CTNNA3: variants seen among roughly 807,000 people sequenced by gnomAD.
CTNNA3 encodes catenin alpha 3, also known as catenin alpha-3.
In CTNNA3, 76 loss-of-function variants were observed where a neutral mutation model predicts 95.7. The ratio of observed to expected loss-of-function variants is 0.79; its 90% CI spans 0.66 to 0.96. The LOEUF (loss-of-function observed/expected upper bound fraction) is 0.96, where lower values mean the gene tolerates loss of function less well. CTNNA3 is among the 40% of genes least tolerant of loss of function. The pLI is 0.00. For missense variants in CTNNA3, 1,191 were observed against 1,089.8 expected, an observed-to-expected ratio of 1.09 and a Z score of -1.31; for synonymous variants, 431 against 374.4, an observed-to-expected ratio of 1.15 and a Z score of -1.74.
intron 5 of CTNNA3, among the ~76,000 whole-genome samples, chr10:67,385,053 C>G (rs1189980465): frequency 6.6e-6 from 1 of 151,000 alleles, no homozygotes; most frequent in East Asian, 1.9e-4. Flanking sequence ...TTTGTTGCTT[C>G]TTTCAATGTG....
At chr10:66,331,338 G>GCTTGCTTGCTTTTTTT (rs1417713676) in intron 12 of CTNNA3, among the ~76,000 whole-genome samples, 3 of 39,116 alleles carry the variant, frequency 7.7e-5, no homozygotes, top group African/African-American at 2.1e-4. Flanking sequence ...TTTCCCCATT[G>GCTTGCTTGCTTTTTTT]TTTGTTTTTT....
At chr10:67,472,609 T>G (rs982499109) in intron 5 of CTNNA3, among the ~76,000 whole-genome samples, 3 of 152,212 alleles carry the variant, frequency 2.0e-5, no homozygotes, top group Admixed American at 6.5e-5. Context: ...TCCCTGCTCC[T>G]TTCCCAGAAA....
intron 9 of CTNNA3, among the ~76,000 whole-genome samples, chr10:66,632,155 T>G (rs1215829340): frequency 6.6e-6 from 1 of 152,144 alleles, no homozygotes; most frequent in African/African-American, 2.4e-5. Flanking sequence ...TAATGTTATC[T>G]CTCATAAAAT....
intron 7 of CTNNA3, among the ~76,000 whole-genome samples, chr10:66,968,509 A>G (rs979315085): frequency 6.6e-6 from 1 of 151,876 alleles, no homozygotes; most frequent in Non-Finnish European, 1.5e-5. Flanking sequence ...GGATATGAAG[A>G]AAGTTCATAT....
intron 11 of CTNNA3, among the ~76,000 whole-genome samples, chr10:66,511,793 T>G (rs1219496537): frequency 6.6e-6 from 1 of 152,012 alleles, no homozygotes; most frequent in African/African-American, 2.4e-5. Context: ...GGGTCTACCC[T>G]AGAGAATGTT....
chr10:66,056,473 GTATTGGCCTGTCATTTTCC>G (rs1278089207), intron 15 of CTNNA3, among the ~76,000 whole-genome samples: 1 of 151,982 alleles, frequency 6.6e-6, no homozygotes, highest in Non-Finnish European at 1.5e-5. Flanking sequence ...TTCATCAGAG[GTATTGGCCTGTCATTTTCC>G]TCTTCTGCTG....
At position 67,612,380 on chromosome 10, in the gene CTNNA3, A is replaced by C. The variant is rs143488526; in HGVS notation, c.100-5331T>G. 2.2e-4 allele frequency among the ~76,000 whole-genome samples: 34 copies of C among 152,364 alleles called. No homozygotes were observed. In the East Asian group the frequency reaches 6.4e-3, roughly 28 times the overall value. On this transcript the variant is annotated intron_variant, in intron 2 of 17. Transcript: ENST00000433211. ...AAAATTGCAAACATTCACAAGGATT[A>C]AGTAGGACTTCCAAGAAGAGCCTTT...
chr10:66,630,353 T>G (rs1845089277), intron 9 of CTNNA3, among the ~76,000 whole-genome samples: 1 of 152,168 alleles, frequency 6.6e-6, no homozygotes, highest in Admixed American at 6.5e-5. Flanking sequence ...ACAACTGGAC[T>G]TTCAAGAAAA....
At chr10:67,144,275 G>T (rs1860737993) in intron 7 of CTNNA3, among the ~76,000 whole-genome samples, 2 of 152,190 alleles carry the variant, frequency 1.3e-5, no homozygotes, top group Admixed American at 6.5e-5. Flanking sequence ...GACAGTGTGG[G>T]TTTAGCATAA....
intron 1 of CTNNA3, among the ~76,000 whole-genome samples, chr10:67,704,361 A>C (rs1257824464): frequency 6.6e-6 from 1 of 152,216 alleles, no homozygotes; most frequent in Non-Finnish European, 1.5e-5. Flanking sequence ...GCATCATGCT[A>C]CCTGACTTCA....
At chr10:66,454,933 C>A (rs1435894170) in intron 11 of CTNNA3, among the ~76,000 whole-genome samples, 1 of 151,970 alleles carries the variant, frequency 6.6e-6, no homozygotes, top group African/African-American at 2.4e-5. Flanking sequence ...GTACCACAAC[C>A]AAATGGGATT....
At chr10:66,395,906 T>C (rs534736383) in intron 11 of CTNNA3, among the ~76,000 whole-genome samples, 2 of 152,050 alleles carry the variant, frequency 1.3e-5, no homozygotes, top group East Asian at 3.9e-4. Flanking sequence ...TGGTACCCAA[T>C]AGGTAATTTT....
At chr10:66,773,461 G>A (rs753698559) in intron 8 of CTNNA3, among the ~76,000 whole-genome samples, 1 of 152,156 alleles carries the variant, frequency 6.6e-6, no homozygotes, top group Non-Finnish European at 1.5e-5. Flanking sequence ...GCCACATGGA[G>A]AGGCCCTAAA....
intron 5 of CTNNA3, among the ~76,000 whole-genome samples, chr10:67,504,435 C>CAAAAA (rs60719599): frequency 4.6e-3 from 74 of 16,118 alleles, no homozygotes; most frequent in African/African-American, 5.2e-3. Flanking sequence ...GACTCCATCT[C>CAAAAA]AAAAAAAAAA....
chr10:66,724,123 G>A (rs1040830093), intron 9 of CTNNA3, among the ~76,000 whole-genome samples: 1 of 152,084 alleles, frequency 6.6e-6, no homozygotes, highest in Non-Finnish European at 1.5e-5. Flanking sequence ...TCACAGTCTG[G>A]ATAATGGTAC....
chr10:66,081,660 C>T (rs1219733884), intron 14 of CTNNA3, among the ~76,000 whole-genome samples: 1 of 152,082 alleles, frequency 6.6e-6, no homozygotes, highest in Non-Finnish European at 1.5e-5. Flanking sequence ...GAAGGGACAG[C>T]TCTTCCTTAA....
rs530071977 is a variant in CTNNA3 at position 67,210,513 on chromosome 10, A to T, written c.843+9094T>A. On this transcript the variant is annotated intron_variant, in intron 6 of 17. Transcript: ENST00000433211. Reference sequence around the variant, plus strand: ...GTGGAATACAACCTGATGCTTTGATATATGTATGCACTGAGGAATGACTGA... The same window carrying T: ...GTGGAATACAACCTGATGCTTTGATTTATGTATGCACTGAGGAATGACTGA... 3.5e-4 allele frequency among the ~76,000 whole-genome samples: 53 copies of T among 152,278 alleles called. 1 individual carries two copies. The South Asian group carries it at 7.9e-3, about 23-fold the overall frequency.
intron 3 of CTNNA3, among the ~76,000 whole-genome samples, chr10:67,601,134 T>C (rs534856186): frequency 1.3e-5 from 2 of 152,336 alleles, no homozygotes; most frequent in East Asian, 1.9e-4. Context: ...TTAGAGATAA[T>C]GTGTGCACTT....
At chr10:66,487,374 T>C (rs1172871695) in intron 11 of CTNNA3, among the ~76,000 whole-genome samples, 2 of 151,746 alleles carry the variant, frequency 1.3e-5, no homozygotes, top group Admixed American at 6.6e-5. Flanking sequence ...GCTAATTTTT[T>C]GTATTTTTAG....
Sources: gnomAD v4.1 joint callset for allele counts (sites outside exome capture counted in the v4.1 genomes callset) on GRCh38, gnomAD v4.1.1 for gene constraint, MANE v1.5 for transcripts, NCBI Gene and HGNC (gene_info 2026-07-23, HGNC 2026-07-21) for gene names.